GIPR: variants seen among roughly 807,000 people sequenced by gnomAD.
The protein encoded by GIPR is GIP-R.
In GIPR, 74 loss-of-function variants were observed where a neutral mutation model predicts 62.2. That is an observed-to-expected ratio of 1.19 (90% confidence interval 0.99 to 1.44). The LOEUF (loss-of-function observed/expected upper bound fraction) is 1.44. Ranked by LOEUF, GIPR falls within the 40% of genes most tolerant of loss-of-function variation. The pLI is 0.00. For missense variants in GIPR, 664 were observed against 611.8 expected (o/e 1.09, Z -0.90); for synonymous variants, 256 against 262.2 (o/e 0.98, Z 0.23).
chr19:45,678,231 T>G lies in GIPR; in HGVS notation c.1152+5T>G. 1 of 1,555,816 alleles carries G rather than the reference T, an allele frequency of 6.4e-7. No individual in the cohort carries two copies. Among genetic ancestry groups the G allele is most frequent in the Non-Finnish European group, 8.7e-7 (1 of 1,151,198 alleles). On this transcript the variant is annotated splice_donor_5th_base_variant and intron_variant, in intron 12 of 13. Coordinates refer to ENST00000590918, the MANE Select transcript of GIPR (RefSeq NM_000164.4). Reference sequence around the variant, plus strand: ...ATCTTCCTCAGCTCCTTCCAGGTGCTCAGGCAGGGTGCAGGGGCTCCATCC... The same window carrying G: ...ATCTTCCTCAGCTCCTTCCAGGTGCGCAGGCAGGGTGCAGGGGCTCCATCC...
chr19:45,676,343 G>T (rs1966908993), intron 7 of GIPR, among the ~76,000 whole-genome samples: 1 of 151,984 alleles, frequency 6.6e-6, no homozygotes, highest in African/African-American at 2.4e-5. Flanking sequence ...GGAACTGACG[G>T]CAATGATGGA....
intron 12 of GIPR, among the ~76,000 whole-genome samples, chr19:45,681,378 C>T (rs748354492): frequency 6.6e-6 from 1 of 152,086 alleles, no homozygotes; most frequent in African/African-American, 2.4e-5. Context: ...GCCTGTAATC[C>T]CAGCTACTCA....
At chr19:45,676,558 C>T (rs1021373765) in intron 7 of GIPR, among the ~76,000 whole-genome samples, 1 of 150,760 alleles carries the variant, frequency 6.6e-6, no homozygotes, top group Non-Finnish European at 1.5e-5. Context: ...ATCAGCTTCC[C>T]GAGTAGCTGG....
Position 45,672,897 on chromosome 19 carries a change from G to A in GIPR, c.327G>A (p.Trp109Ter), listed in dbSNP as rs1432748686. The A allele has an allele frequency of 1.4e-5, 23 of 1,613,522 alleles. No individual in the cohort carries two copies. Among genetic ancestry groups the A allele is most frequent in the Non-Finnish European group, 1.9e-5 (23 of 1,179,594 alleles). Residue 109 changes from tryptophan (W) to a stop codon, truncating the protein, a stop_gained, in exon 5 of 14, where the codon TGG becomes TGA. Transcript: ENST00000590918. LOFTEE classifies it high-confidence loss of function. ...VLRQCGSDGQWGLWRDHTQCE... is the reference protein window; with the variant it reads ...VLRQCGSDGQ ...GCCAGTGTGGCAGTGATGGCCAATG[G>A]GGACTTTGGAGAGACCATACACAAT...
rs887683180 is a variant in GIPR, at chr19:45,683,325, C to G, written c.*1390C>G. On this transcript the variant is annotated 3_prime_UTR_variant, in exon 14 of 14. Coordinates refer to ENST00000590918, the MANE Select transcript of GIPR (RefSeq NM_000164.4). ...CACAGGTGAGGCAAGGCAGGCCTCG[C>G]AGCTGAAACTTTATATCCAGAGCAG... 4 of 152,240 alleles carry G rather than the reference C, an allele frequency of 2.6e-5. No homozygotes were observed. The highest frequency in any genetic ancestry group is 5.9e-5 in the Non-Finnish European group (4 of 68,100). 9.4% of individuals were successfully genotyped at this position (152,240 alleles called of 1,614,324 possible). A position where few individuals can be genotyped will look rare whatever the true frequency, so the allele number is the denominator to read the frequency against.
intron 1 of GIPR, 25 bp from the exon 2 acceptor site, chr19:45,669,449 GTGC>G (rs1975421616): frequency 6.5e-7 from 1 of 1,536,040 alleles, no homozygotes; most frequent in African/African-American, 1.4e-5. Context: ...GAGGGCAGAG[GTGC>G]TGACCTTGCC....
chr19:45,668,758 G>A lies in GIPR; in HGVS notation c.-45+460G>A, dbSNP rs115871381. On this transcript the variant is annotated intron_variant, in intron 1 of 13. Transcript: ENST00000590918. ...GGGGGCGCGGGTGAGTGGGTGTCGG[G>A]CGTTAGACCGATTTCCAGGCATCTG... is the stretch of plus-strand genomic sequence containing the variant. Among the ~76,000 whole-genome samples, 1,196 of 152,328 alleles carry A rather than the reference G, an allele frequency of 7.9e-3. 19 individuals carry two copies. The highest frequency in any genetic ancestry group is 0.027 in the African/African-American group (1,137 of 41,570).
rs769461739 is a variant in GIPR at position 45,674,076 on chromosome 19, C to A, written c.387C>A (p.Asp129Glu). ...CTTCCCCTTCTTGCCCCGACCAGGA[C>A]CAAAGGCTCATCTTGGAGCGGTTGC... The part of the protein sequence containing the change: ...ENPEKNEAFL[D>E]QRLILERLQV... The change falls in exon 6 of 14, where the codon GAC becomes GAA. Residue 129 changes from aspartate (D) to glutamate (E), a missense_variant and splice_region_variant. By Grantham distance (45) the Asp-to-Glu change is conservative. Transcript: ENST00000590918. 3 of 1,604,358 alleles carry A rather than the reference C, an allele frequency of 1.9e-6. No individual in the cohort carries two copies. The highest frequency in any genetic ancestry group is 2.6e-6 in the Non-Finnish European group (3 of 1,171,160).
chr19:45,675,730 A>T (rs981581985), intron 7 of GIPR, among the ~76,000 whole-genome samples: 1 of 151,756 alleles, frequency 6.6e-6, no homozygotes, highest in African/African-American at 2.4e-5. Context: ...CTACAAAAAC[A>T]TACAAAAATT....
intron 4 of GIPR, among the ~76,000 whole-genome samples, chr19:45,671,644 G>C (rs928109081): frequency 6.6e-6 from 1 of 152,172 alleles, no homozygotes; most frequent in Non-Finnish European, 1.5e-5. Context: ...CTATCGCCCA[G>C]GCTGGAGTGC....
At chr19:45,671,520 C>A (rs1224285308) in intron 4 of GIPR, 128 bp downstream of exon 4, 2 of 696,296 alleles carry the variant, frequency 2.9e-6, no homozygotes, top group East Asian at 2.7e-5. Flanking sequence ...GCCCCCTACT[C>A]CTTTCCGGCA....
rs917430068 is a variant in GIPR at position 45,674,388 on chromosome 19, G to A, written c.488+211G>A. On this transcript the variant is annotated intron_variant, in intron 6 of 13. Coordinates refer to ENST00000590918, the MANE Select transcript of GIPR (RefSeq NM_000164.4). ...TTTGGGATGCCAAGGCAGGAGGATCGCTTGAGCCCAGGAGTTTGAGATCAG... is the reference window on the plus strand; with the variant it reads ...TTTGGGATGCCAAGGCAGGAGGATCACTTGAGCCCAGGAGTTTGAGATCAG... 65 of 655,608 alleles carry A rather than the reference G, an allele frequency of 9.9e-5. 1 individual carries two copies. The highest frequency in any genetic ancestry group is 7.2e-4 in the Admixed American group (33 of 45,880). 40.6% of individuals were successfully genotyped at this position (655,608 alleles called of 1,614,324 possible).
rs907354578 is a variant in GIPR at position 45,671,290 on chromosome 19, G to T, written c.178G>T (p.Ala60Ser). The T allele has an allele frequency of 6.2e-6, 10 of 1,608,110 alleles. No homozygotes were observed. The African/African-American group carries it at 1.3e-4, about 22-fold the overall frequency. Residue 60 changes from alanine (A) to serine (S), a missense_variant, in exon 4 of 14, where the codon GCC (alanine) becomes TCC (serine). Transcript: ENST00000590918. ...LAAAEPPSGL[A>S]CNGSFDMYVC... ...GCCCCCGTGCCCACCCCCAGGCCTC[G>T]CCTGTAACGGGTCCTTCGATATGTA...
At chr19:45,671,497 C>T in intron 4 of GIPR, 105 bp downstream of exon 4, 1 of 762,594 alleles carries the variant, frequency 1.3e-6, no homozygotes, top group Non-Finnish European at 2.3e-6. Context: ...GCACCCCTCT[C>T]CTGCTCCTCT....
At chr19:45,678,957 G>A (rs1454968339) in intron 12 of GIPR, among the ~76,000 whole-genome samples, 1 of 152,168 alleles carries the variant, frequency 6.6e-6, no homozygotes, top group Non-Finnish European at 1.5e-5. Context: ...CACTTGCTTG[G>A]TTTACCTGAG....
At position 45,677,608 on chromosome 19, in the gene GIPR, TG is replaced by T. The variant is rs1967017634; in HGVS notation, c.855-101del. 5 of 955,010 alleles carry T rather than the reference TG, an allele frequency of 5.2e-6. No individual in the cohort carries two copies. In the Admixed American group the frequency reaches 8.5e-5, roughly 16 times the overall value. The allele number at this position is 955,010 out of a possible 1,614,324, so 59.2% of individuals were successfully genotyped here. ...AATGGGCGGGACCTTAGAGAATGTG[TG>T]TGGTCTCAAGTGCGGTGGGCGGGGC... On this transcript the variant is annotated intron_variant, in intron 9 of 13. Coordinates refer to ENST00000590918, the MANE Select transcript of GIPR (RefSeq NM_000164.4).
chr19:45,670,469 G>C (rs1407035809), intron 2 of GIPR, 166 bp from the exon 3 acceptor site: 1 of 548,172 alleles, frequency 1.8e-6, no homozygotes, highest in Non-Finnish European at 3.4e-6. Flanking sequence ...GTGGCTTCCA[G>C]GCACCCCACC....
At chr19:45,680,756 G>A (rs751043869) in intron 12 of GIPR, among the ~76,000 whole-genome samples, 20 of 150,072 alleles carry the variant, frequency 1.3e-4, no homozygotes, top group Non-Finnish European at 2.5e-4. Context: ...GCTTGAACCT[G>A]GGAGGCCAAG....
chr19:45,677,443 C>T (rs1210940144), intron 9 of GIPR, 60 bp downstream of exon 9: 6 of 1,215,352 alleles, frequency 4.9e-6, no homozygotes, highest in Non-Finnish European at 3.6e-6. Flanking sequence ...GGGACTGTGG[C>T]GGGTTGTGAT....
Sources: gnomAD v4.1 joint callset for allele counts (sites outside exome capture counted in the v4.1 genomes callset) on GRCh38, gnomAD v4.1.1 for gene constraint, MANE v1.5 for transcripts, NCBI Gene and HGNC (gene_info 2026-07-23, HGNC 2026-07-21) for gene names.